Variants in ENTREP2 observed in about 807,000 individuals in gnomAD.
ENTREP2 encodes the protein protein ENTREP2.
At chr15:29,299,400 C>T in the ENTREP2 span, among the ~76,000 whole-genome samples, 77 of 152,280 alleles carry the variant, frequency 5.1e-4, no homozygotes, top group African/African-American at 1.7e-3. Flanking sequence ...GCCTCTTCAG[C>T]GTCACCTTTT....
the ENTREP2 span, among the ~76,000 whole-genome samples, chr15:29,306,105 C>T: frequency 7.9e-5 from 12 of 152,324 alleles, no homozygotes; most frequent in African/African-American, 2.2e-4. Flanking sequence ...CCCCAGGCAG[C>T]GCTGCGATAC....
the ENTREP2 span, among the ~76,000 whole-genome samples, chr15:29,418,521 G>C: frequency 2.0e-5 from 3 of 152,158 alleles, no homozygotes; most frequent in South Asian, 4.1e-4. Context: ...AAATAGGCTA[G>C]GGCAGCTAGG....
the ENTREP2 span, among the ~76,000 whole-genome samples, chr15:29,334,014 A>T: frequency 6.6e-6 from 1 of 152,106 alleles, no homozygotes; most frequent in African/African-American, 2.4e-5. Context: ...CCTGGAACAG[A>T]TTTTCCCTCA....
At chr15:29,360,019 G>C in the ENTREP2 span, among the ~76,000 whole-genome samples, 4 of 152,274 alleles carry the variant, frequency 2.6e-5, no homozygotes, top group Non-Finnish European at 1.5e-5. Flanking sequence ...TAGCCTATAA[G>C]GTAGAATTTT....
At chr15:29,307,860 C>T in the ENTREP2 span, among the ~76,000 whole-genome samples, 2 of 152,166 alleles carry the variant, frequency 1.3e-5, no homozygotes, top group Admixed American at 1.3e-4. Flanking sequence ...ACTTTCCAGC[C>T]TCCAGAACTG....
At chr15:29,497,862 T>C in the ENTREP2 span, among the ~76,000 whole-genome samples, 1 of 152,192 alleles carries the variant, frequency 6.6e-6, no homozygotes, top group African/African-American at 2.4e-5. Flanking sequence ...TATGTAATGA[T>C]AGGTTGTTTA....
At chr15:29,552,690 T>C in the ENTREP2 span, among the ~76,000 whole-genome samples, 2 of 151,712 alleles carry the variant, frequency 1.3e-5, no homozygotes, top group African/African-American at 4.8e-5. Context: ...ATGAGAGAAA[T>C]TATTATTATT....
At chr15:29,263,876 T>C in the ENTREP2 span, among the ~76,000 whole-genome samples, 1 of 152,070 alleles carries the variant, frequency 6.6e-6, no homozygotes, top group Admixed American at 6.6e-5. Flanking sequence ...TCTGAACTCC[T>C]GGGTGGGCGC....
the ENTREP2 span, among the ~76,000 whole-genome samples, chr15:29,405,294 C>G: frequency 2.0e-5 from 3 of 151,666 alleles, no homozygotes; most frequent in Non-Finnish European, 4.4e-5. Flanking sequence ...GAGGCTGAGG[C>G]AGGTGAATCG....
At chr15:29,180,702 T>C in the ENTREP2 span, among the ~76,000 whole-genome samples, 1 of 151,372 alleles carries the variant, frequency 6.6e-6, no homozygotes, top group Non-Finnish European at 1.5e-5. Context: ...AAAATAAAAA[T>C]AAAAAAGTAA....
At chr15:29,215,060 T>G in the ENTREP2 span, among the ~76,000 whole-genome samples, 7 of 152,334 alleles carry the variant, frequency 4.6e-5, no homozygotes, top group Admixed American at 3.3e-4. Context: ...ACGATTACTG[T>G]GTTGCTGTCT....
chr15:29,656,961 G>C, the ENTREP2 span, among the ~76,000 whole-genome samples: 4 of 152,134 alleles, frequency 2.6e-5, no homozygotes, highest in African/African-American at 9.7e-5. Context: ...CCCTCACCTT[G>C]TGATTATGTG....
chr15:29,349,282 C>G, the ENTREP2 span, among the ~76,000 whole-genome samples: 1 of 152,108 alleles, frequency 6.6e-6, no homozygotes, highest in Admixed American at 6.6e-5. Flanking sequence ...TATGTCTACA[C>G]AACTGCAAAA....
At chr15:29,313,486 G>A in the ENTREP2 span, among the ~76,000 whole-genome samples, 1 of 152,154 alleles carries the variant, frequency 6.6e-6, no homozygotes, top group African/African-American at 2.4e-5. Flanking sequence ...TAAGAATTAT[G>A]CTAAATCTAT....
the ENTREP2 span, among the ~76,000 whole-genome samples, chr15:29,297,371 C>A: frequency 1.3e-5 from 2 of 152,160 alleles, no homozygotes; most frequent in Non-Finnish European, 1.5e-5. Flanking sequence ...TCATAATGAT[C>A]TTTACAAAAA....
the ENTREP2 span, among the ~76,000 whole-genome samples, chr15:29,329,213 A>C: frequency 0.015 from 2,224 of 152,080 alleles, 68 homozygotes; most frequent in African/African-American, 0.052. Context: ...AATACAAAAA[A>C]TTAGCCGGGC....
the ENTREP2 span, among the ~76,000 whole-genome samples, chr15:29,192,023 C>T: frequency 5.9e-5 from 9 of 152,164 alleles, no homozygotes; most frequent in Non-Finnish European, 1.0e-4. Context: ...CTCTACTCTG[C>T]CAATTACTGT....
the ENTREP2 span, among the ~76,000 whole-genome samples, chr15:29,144,636 G>A: frequency 6.6e-6 from 1 of 152,090 alleles, no homozygotes; most frequent in Non-Finnish European, 1.5e-5. Context: ...AGGCTGAAGT[G>A]GGAGGATTGC....
chr15:29,252,325 A>G, the ENTREP2 span: 1 of 1,270,462 alleles, frequency 7.9e-7, no homozygotes, highest in Admixed American at 2.1e-5. Context: ...TACAAAATCA[A>G]ATCCTATGAC....
Sources: gnomAD v4.1 joint callset for allele counts (sites outside exome capture counted in the v4.1 genomes callset) on GRCh38, gnomAD v4.1.1 for gene constraint, MANE v1.5 for transcripts, NCBI Gene and HGNC (gene_info 2026-07-23, HGNC 2026-07-21) for gene names.